The following D2HGDH variants were observed in gnomAD, a reference collection of about 807,000 sequenced individuals.
The protein encoded by D2HGDH is D-2-hydroxyglutarate dehydrogenase, also known as D-2-hydroxyglutarate dehydrogenase, mitochondrial.
A neutral mutation model predicts 46.9 loss-of-function variants in D2HGDH; 31 were observed. The ratio of observed to expected loss-of-function variants is 0.66; its 90% CI spans 0.50 to 0.89. The LOEUF (loss-of-function observed/expected upper bound fraction) is 0.89. D2HGDH is among the 40% of genes least tolerant of loss of function. The pLI, the probability that D2HGDH is intolerant of heterozygous loss-of-function variation, is 0.00. For synonymous variants in D2HGDH, 364 were observed against 332.6 expected, an observed-to-expected ratio of 1.09 and a Z score of -1.03; for missense variants, 698 against 720.8, an observed-to-expected ratio of 0.97 and a Z score of 0.36.
chr2:241,740,937 C>T (rs1031311580), intron 2 of D2HGDH, 96 bp from the exon 3 acceptor site: 4 of 981,446 alleles, frequency 4.1e-6, no homozygotes, highest in Admixed American at 2.0e-5. Flanking sequence ...GAGAGTCCGT[C>T]TCCAAAAAAA....
At chr2:241,752,672 G>T (rs1575295395) in intron 8 of D2HGDH, among the ~76,000 whole-genome samples, 1 of 152,032 alleles carries the variant, frequency 6.6e-6, no homozygotes, top group Admixed American at 6.5e-5. Flanking sequence ...AGATGGGGCG[G>T]GAACGTGAGC....
At chr2:241,750,423 G>T in intron 7 of D2HGDH, 129 bp downstream of exon 7, 1 of 1,139,070 alleles carries the variant, frequency 8.8e-7, no homozygotes, top group Non-Finnish European at 1.3e-6. Flanking sequence ...TCCCTGGGCG[G>T]AGCATGGAGT....
At position 241,755,840 on chromosome 2, in the gene D2HGDH, A is replaced by G; in HGVS notation, c.1141-9A>G. On this transcript the variant is annotated splice_polypyrimidine_tract_variant and intron_variant, in intron 8 of 9. Coordinates refer to ENST00000321264, the MANE Select transcript of D2HGDH (RefSeq NM_152783.5). ...GCCAGCCCTTGTCTCATCTCGTCTC[A>G]TCCTCTAGATGCTGTGGGCCCTGAG... 6.2e-7 allele frequency: 1 copy of G among 1,611,320 alleles called. No individual in the cohort carries two copies. The highest frequency in any genetic ancestry group is 8.5e-7 in the Non-Finnish European group (1 of 1,178,284).
intron 9 of D2HGDH, among the ~76,000 whole-genome samples, chr2:241,761,075 C>T (rs971102168): frequency 1.3e-5 from 2 of 152,148 alleles, no homozygotes; most frequent in African/African-American, 2.4e-5. Flanking sequence ...CTGTCGTTTA[C>T]CCCCCAGTTT....
intron 8 of D2HGDH, among the ~76,000 whole-genome samples, chr2:241,754,068 C>T (rs139350884): frequency 5.9e-5 from 9 of 152,352 alleles, no homozygotes; most frequent in Admixed American, 1.3e-4. Context: ...CGCGTGCCTG[C>T]CATGTTCTAG....
Position 241,735,129 on chromosome 2 carries a change from C to A in D2HGDH, c.-92-4C>A. 7.6e-7 allele frequency: 1 copy of A among 1,320,452 alleles called. No individual in the cohort carries two copies. Among genetic ancestry groups the A allele is most frequent in the South Asian group, 1.6e-5 (1 of 62,962 alleles). 81.8% of individuals were successfully genotyped at this position (1,320,452 alleles called of 1,614,324 possible). A position where few individuals can be genotyped will look rare whatever the true frequency, so the allele number is the denominator to read the frequency against. On this transcript the variant is annotated splice_polypyrimidine_tract_variant and splice_region_variant and intron_variant, in intron 1 of 9. Transcript: ENST00000321264. ...AACATGAAATTACCCTTGGCCACTT[C>A]CAGGCGCGCAGCCAGCGGCTCCCTG...
chr2:241,736,608 T>C (rs1420194188), intron 2 of D2HGDH, among the ~76,000 whole-genome samples: 1 of 152,038 alleles, frequency 6.6e-6, no homozygotes, highest in African/African-American at 2.4e-5. Flanking sequence ...GGGCCCACCC[T>C]AATCCAGGAT....
At chr2:241,749,590 G>A (rs997112015) in intron 6 of D2HGDH, 20 of 326,634 alleles carry the variant, frequency 6.1e-5, no homozygotes, top group African/African-American at 3.9e-4. Flanking sequence ...GAAGACCTGA[G>A]TGCTGATTGT....
intron 9 of D2HGDH, among the ~76,000 whole-genome samples, chr2:241,765,108 C>T (rs1172892599): frequency 1.3e-5 from 2 of 152,176 alleles, no homozygotes; most frequent in African/African-American, 4.8e-5. Context: ...GGGGTGGGGG[C>T]GTCCAGATAG....
At chr2:241,736,471 G>A (rs1692857035) in intron 2 of D2HGDH, among the ~76,000 whole-genome samples, 1 of 152,164 alleles carries the variant, frequency 6.6e-6, no homozygotes, top group African/African-American at 2.4e-5. Flanking sequence ...CCTGCCTCTT[G>A]TAGCTCTAGC....
chr2:241,761,423 C>T (rs187003564), intron 9 of D2HGDH, among the ~76,000 whole-genome samples: 1 of 152,196 alleles, frequency 6.6e-6, no homozygotes, highest in East Asian at 1.9e-4. Context: ...CCTGTAATCC[C>T]AGCTGCTTGG....
At chr2:241,759,222 G>A (rs1698509874) in intron 9 of D2HGDH, among the ~76,000 whole-genome samples, 1 of 152,230 alleles carries the variant, frequency 6.6e-6, no homozygotes, top group East Asian at 1.9e-4. Context: ...AGAAGTATAC[G>A]TCGCGTGTTC....
intron 9 of D2HGDH, among the ~76,000 whole-genome samples, chr2:241,763,691 G>A (rs1325004783): frequency 6.6e-6 from 1 of 152,166 alleles, no homozygotes; most frequent in East Asian, 1.9e-4. Context: ...CATCTCTGTG[G>A]TCCGGGGTTG....
chr2:241,749,551 C>T (rs901630617), intron 6 of D2HGDH: 3 of 363,954 alleles, frequency 8.2e-6, no homozygotes, highest in African/African-American at 2.1e-5. Context: ...AGCACTAACA[C>T]GCCTGTTGGA....
rs928989283 is a variant in D2HGDH, at chr2:241,768,452, C to A, written c.*483C>A. 6.1e-6 allele frequency: 1 copy of A among 165,026 alleles called. No individual in the cohort carries two copies. Among genetic ancestry groups the A allele is most frequent in the African/African-American group, 2.4e-5 (1 of 41,524 alleles). 10.2% of individuals were successfully genotyped at this position (165,026 alleles called of 1,614,324 possible). A position where few individuals can be genotyped will look rare whatever the true frequency, so the allele number is the denominator to read the frequency against. ...CCACGTGGGCCGTGATCGTGGGTTG[C>A]CGAGAGGACCTGAGCGCTGCGGCTC... On this transcript the variant is annotated 3_prime_UTR_variant, in exon 10 of 10. Transcript: ENST00000321264.
Position 241,743,885 on chromosome 2 carries a change from G to A in D2HGDH, c.684+70G>A, listed in dbSNP as rs1427080634. ...CCTCTCACGGCTCTCATGGGCCCAC[G>A]TGGTGGCACAGGTGCATGGGGCCCC... is the stretch of plus-strand genomic sequence containing the variant. On this transcript the variant is annotated intron_variant, in intron 5 of 9. Transcript: ENST00000321264. The surrounding 1 kb of genome is among the most constrained non-coding windows in gnomAD (Gnocchi z 4.8). 1.2e-5 allele frequency: 19 copies of A among 1,524,156 alleles called. No homozygotes were observed. Among genetic ancestry groups the A allele is most frequent in the African/African-American group, 4.1e-5 (3 of 72,396 alleles). 94.4% of individuals were successfully genotyped at this position (1,524,156 alleles called of 1,614,324 possible).
chr2:241,745,148 A>G (rs1251911590), intron 6 of D2HGDH, among the ~76,000 whole-genome samples: 1 of 152,172 alleles, frequency 6.6e-6, no homozygotes, highest in Non-Finnish European at 1.5e-5. Flanking sequence ...GTGTTGCCTC[A>G]TTCACCCCAT....
rs749247772 is a variant in D2HGDH at position 241,750,300 on chromosome 2, G to A, written c.997+6G>A. The A allele has an allele frequency of 1.4e-5, 21 of 1,475,098 alleles. No individual in the cohort carries two copies. The African/African-American group carries it at 2.8e-4, about 20-fold the overall frequency. 91.4% of individuals were successfully genotyped at this position (1,475,098 alleles called of 1,614,324 possible). On this transcript the variant is annotated splice_donor_region_variant and intron_variant, in intron 7 of 9. Transcript: ENST00000321264. ...CCTGGCCAGCCCGGTGCAAGGTACT[G>A]ACCCCCCACACAGGGGGCAGCTGGT... is the stretch of plus-strand genomic sequence containing the variant.
chr2:241,752,992 C>A (rs1033989569), intron 8 of D2HGDH, among the ~76,000 whole-genome samples: 4 of 152,002 alleles, frequency 2.6e-5, no homozygotes, highest in Non-Finnish European at 5.9e-5. Flanking sequence ...AGTCCCCAGC[C>A]CCTCCACAGC....
Sources: allele counts gnomAD v4.1 joint callset (sites outside exome capture counted in the v4.1 genomes callset), GRCh38; gene constraint gnomAD v4.1.1; non-coding constraint Gnocchi (gnomAD v3.1); transcripts MANE v1.5; gene names NCBI Gene and HGNC (gene_info 2026-07-23, HGNC 2026-07-21).